Variants in PLCXD3 observed in about 807,000 individuals in gnomAD.
The protein encoded by PLCXD3 is phosphatidylinositol specific phospholipase C X domain containing 3.
Under a neutral mutation model 25.5 loss-of-function variants are expected in PLCXD3, and 19 were observed. The observed-to-expected ratio is 0.75, with a 90% CI of 0.52 to 1.09. PLCXD3 has a LOEUF of 1.09. Ranked by LOEUF, PLCXD3 falls within the 50% of genes least tolerant of loss-of-function variation. The probability of loss-of-function intolerance (pLI) is 0.00; values close to 1 mark genes in which losing one functional copy is unlikely to be tolerated. For missense variants in PLCXD3, 411 were observed against 388.1 expected, an observed-to-expected ratio of 1.06 and a Z score of -0.50; for synonymous variants, 174 against 137.6, an observed-to-expected ratio of 1.26 and a Z score of -1.85.
intron 1 of PLCXD3, among the ~76,000 whole-genome samples, chr5:41,466,592 T>C (rs1453868779): frequency 6.6e-6 from 1 of 152,090 alleles, no homozygotes; most frequent in Non-Finnish European, 1.5e-5. Context: ...AAATATGTAA[T>C]ACATTATTGT....
At chr5:41,400,041 C>A (rs60192840) in intron 1 of PLCXD3, among the ~76,000 whole-genome samples, 1 of 152,192 alleles carries the variant, frequency 6.6e-6, no homozygotes, top group African/African-American at 2.4e-5. Context: ...GCTGAATAGA[C>A]ACTTCTCAAA....
chr5:41,415,489 C>A (rs1000974925), intron 1 of PLCXD3, among the ~76,000 whole-genome samples: 1 of 152,166 alleles, frequency 6.6e-6, no homozygotes, highest in African/African-American at 2.4e-5. Flanking sequence ...AAATGACTCT[C>A]TTGTGTTGGG....
At chr5:41,507,560 C>T (rs1478015690) in intron 1 of PLCXD3, among the ~76,000 whole-genome samples, 1 of 152,180 alleles carries the variant, frequency 6.6e-6, no homozygotes, top group Admixed American at 6.5e-5. Context: ...TTTAAAGACA[C>T]CGGAACTGTG....
intron 1 of PLCXD3, among the ~76,000 whole-genome samples, chr5:41,509,470 G>C (rs1380024430): frequency 6.6e-6 from 1 of 152,200 alleles, no homozygotes; most frequent in Admixed American, 6.5e-5. Context: ...GTTGTTAGGA[G>C]CTGCCACCCT....
chr5:41,348,718 G>C (rs902536981), intron 2 of PLCXD3, among the ~76,000 whole-genome samples: 1 of 152,066 alleles, frequency 6.6e-6, no homozygotes, highest in Non-Finnish European at 1.5e-5. Flanking sequence ...TATGTTTGGT[G>C]CTTGGCAGCC....
At position 41,312,391 on chromosome 5, in the gene PLCXD3, TCTAA is replaced by T. The variant is rs556834724; in HGVS notation, c.*1222_*1225del. On this transcript the variant is annotated 3_prime_UTR_variant, in exon 3 of 3. Coordinates refer to ENST00000377801, the MANE Select transcript of PLCXD3 (RefSeq NM_001005473.3). ...ATGGACATAATTTCAAACACATTGC[TCTAA>T]CTGCTTCTACCAGCCTTCCTCTTTC... The T allele has an allele frequency of 5.3e-5, 8 of 152,348 alleles. No individual in the cohort carries two copies. The East Asian group carries it at 1.5e-3, about 29-fold the overall frequency. The allele number at this position is 152,348 out of a possible 1,614,324, so 9.4% of individuals were successfully genotyped here. A position where few individuals can be genotyped will look rare whatever the true frequency, so the allele number is the denominator to read the frequency against.
intron 2 of PLCXD3, among the ~76,000 whole-genome samples, chr5:41,329,569 C>A (rs1743728745): frequency 6.6e-6 from 1 of 152,082 alleles, no homozygotes; most frequent in Admixed American, 6.6e-5. Context: ...GGACTCACTG[C>A]TTTTTTGCTG....
chr5:41,349,198 A>T lies in PLCXD3; in HGVS notation c.812+32628T>A, dbSNP rs763483151. Among the ~76,000 whole-genome samples the T allele has an allele frequency of 3.3e-5, 5 of 152,156 alleles. No homozygotes were observed. In the East Asian group the frequency reaches 9.6e-4, roughly 29 times the overall value. On this transcript the variant is annotated intron_variant, in intron 2 of 2. Transcript: ENST00000377801. ...TTTAAATGGTCAGAAAATTATTCTT[A>T]GGTTGGGTCTTTTGTTTCCAAAGCA... is the stretch of plus-strand genomic sequence containing the variant.
rs58098437 is a variant in PLCXD3, at chr5:41,465,353, C to CTTTTTTTTTTTTTTTTTTTTTT, written c.103+45049_103+45070dup. Among the ~76,000 whole-genome samples the CTTTTTTTTTTTTTTTTTTTTTT allele has an allele frequency of 3.0e-3, 40 of 13,236 alleles. 5 individuals are homozygous for CTTTTTTTTTTTTTTTTTTTTTT. The highest frequency in any genetic ancestry group is 3.7e-3 in the African/African-American group (13 of 3,486). 8.7% of individuals were successfully genotyped at this position (13,236 alleles called of 152,430 possible). A position where few individuals can be genotyped will look rare whatever the true frequency, so the allele number is the denominator to read the frequency against. On this transcript the variant is annotated intron_variant, in intron 1 of 2. Transcript: ENST00000377801. ...TCCTACTTTCCCCACTAGTTCTTGT[C>CTTTTTTTTTTTTTTTTTTTTTT]TTTTTTTTTTTTTTTTTTTTTTTTT...
chr5:41,363,615 T>C (rs1744850917), intron 2 of PLCXD3, among the ~76,000 whole-genome samples: 1 of 152,200 alleles, frequency 6.6e-6, no homozygotes, highest in Admixed American at 6.5e-5. Context: ...TAGTATCTGT[T>C]CATGAGGAAA....
chr5:41,397,256 T>C (rs1024162630), intron 1 of PLCXD3, among the ~76,000 whole-genome samples: 4 of 152,172 alleles, frequency 2.6e-5, no homozygotes, highest in Admixed American at 2.6e-4. Context: ...GCCTTGCTGC[T>C]CTGTGTAGTA....
At chr5:41,467,020 G>T (rs1748031326) in intron 1 of PLCXD3, among the ~76,000 whole-genome samples, 1 of 152,030 alleles carries the variant, frequency 6.6e-6, no homozygotes. Flanking sequence ...ATGAACATAG[G>T]AGTGCAGACA....
chr5:41,400,620 T>C (rs1036847835), intron 1 of PLCXD3, among the ~76,000 whole-genome samples: 2 of 152,020 alleles, frequency 1.3e-5, no homozygotes, highest in Non-Finnish European at 2.9e-5. Context: ...CTTACTTGTA[T>C]ATGAGATCTA....
chr5:41,461,044 C>A (rs1377392514), intron 1 of PLCXD3, among the ~76,000 whole-genome samples: 1 of 151,516 alleles, frequency 6.6e-6, no homozygotes, highest in Non-Finnish European at 1.5e-5. Context: ...CTGATAGGAC[C>A]CAAAAGTTAT....
intron 2 of PLCXD3, among the ~76,000 whole-genome samples, chr5:41,332,832 A>C (rs1438106250): frequency 6.6e-6 from 1 of 152,124 alleles, no homozygotes; most frequent in African/African-American, 2.4e-5. Context: ...TTCTCAGTAA[A>C]CTATCGCAAG....
chr5:41,451,459 G>A (rs554205255), intron 1 of PLCXD3, among the ~76,000 whole-genome samples: 2 of 152,002 alleles, frequency 1.3e-5, no homozygotes, highest in African/African-American at 4.8e-5. Context: ...AGCTGTTGCT[G>A]ATGTCAACAA....
At chr5:41,410,351 GC>G (rs1323797294) in intron 1 of PLCXD3, among the ~76,000 whole-genome samples, 2 of 151,890 alleles carry the variant, frequency 1.3e-5, no homozygotes, top group African/African-American at 4.8e-5. Flanking sequence ...CACCATGTTG[GC>G]CGGTATGGTC....
At chr5:41,432,133 C>G (rs892761400) in intron 1 of PLCXD3, among the ~76,000 whole-genome samples, 1 of 152,134 alleles carries the variant, frequency 6.6e-6, no homozygotes, top group Non-Finnish European at 1.5e-5. Context: ...GTTTCTTGCC[C>G]TCAGATACTG....
intron 1 of PLCXD3, among the ~76,000 whole-genome samples, chr5:41,416,470 C>T (rs749292428): frequency 2.0e-5 from 3 of 152,178 alleles, no homozygotes; most frequent in Non-Finnish European, 4.4e-5. Context: ...CAGACCATCT[C>T]CTACTTTCAG....
Sources: gnomAD v4.1 joint callset for allele counts (sites outside exome capture counted in the v4.1 genomes callset) on GRCh38, gnomAD v4.1.1 for gene constraint, MANE v1.5 for transcripts, NCBI Gene and HGNC (gene_info 2026-07-23, HGNC 2026-07-21) for gene names.